The following GPT2 variants were observed in gnomAD, a reference collection of about 807,000 sequenced individuals.
GPT2 encodes the protein glutamic--pyruvic transaminase 2.
In GPT2, 30 loss-of-function variants were observed where a neutral mutation model predicts 56.9. The observed-to-expected ratio is 0.53, with a 90% CI of 0.39 to 0.72. The LOEUF (loss-of-function observed/expected upper bound fraction) is 0.72, where lower values mean the gene tolerates loss of function less well. Among genes scored for constraint, GPT2 ranks in the 30% least tolerant of loss-of-function variants. The probability of loss-of-function intolerance (pLI) is 0.00; values close to 1 mark genes in which losing one functional copy is unlikely to be tolerated. For synonymous variants in GPT2, 271 were observed against 283.1 expected, an observed-to-expected ratio of 0.96 and a Z score of 0.43; for missense variants, 542 against 703.4, an observed-to-expected ratio of 0.77 and a Z score of 2.60.
intron 2 of GPT2, among the ~76,000 whole-genome samples, chr16:46,892,871 C>G (rs145771262): frequency 1.3e-3 from 203 of 152,250 alleles, no homozygotes; most frequent in African/African-American, 4.6e-3. Context: ...ACAGTTGTCT[C>G]TCAGTATCCA....
chr16:46,913,375 G>A (rs1019554577), intron 6 of GPT2, among the ~76,000 whole-genome samples: 1 of 152,234 alleles, frequency 6.6e-6, no homozygotes, highest in African/African-American at 2.4e-5. Flanking sequence ...AAGCATGGAA[G>A]GGCAAGACCA....
At chr16:46,905,240 G>T (rs1397850713) in intron 4 of GPT2, among the ~76,000 whole-genome samples, 1 of 151,960 alleles carries the variant, frequency 6.6e-6, no homozygotes, top group East Asian at 1.9e-4. Context: ...TTAGAGATGG[G>T]GTTTCACCAT....
At chr16:46,914,147 C>T (rs1035753351) in intron 6 of GPT2, among the ~76,000 whole-genome samples, 4 of 152,158 alleles carry the variant, frequency 2.6e-5, no homozygotes, top group African/African-American at 9.7e-5. Context: ...AGGGAAGGTC[C>T]CATTTCTACC....
At chr16:46,926,794 T>A in intron 10 of GPT2, 131 bp from the exon 11 acceptor site, 1 of 529,452 alleles carries the variant, frequency 1.9e-6, no homozygotes, top group Non-Finnish European at 3.2e-6. Context: ...GCCCTGGTCC[T>A]CTAGGAGCGG....
chr16:46,916,692 T>C lies in GPT2; in HGVS notation c.885T>C (p.Phe295=). Residue 295 remains phenylalanine, a synonymous_variant, in exon 7 of 12, where the codon TTT becomes TTC. Transcript: ENST00000340124. ...ACTTTGCCTGGGAAGAGAAGCTCTT[T>C]CTCCTGGCTGATGAGGTAAGAATGT... The part of the protein sequence containing the change: ...VIHFAWEEKL[F]LLADEVYQDN... 1.3e-5 allele frequency: 21 copies of C among 1,612,466 alleles called. No individual in the cohort carries two copies. Among genetic ancestry groups the C allele is most frequent in the Non-Finnish European group, 1.8e-5 (21 of 1,178,482 alleles).
chr16:46,898,164 G>A (rs2143395988), intron 3 of GPT2, among the ~76,000 whole-genome samples: 1 of 152,324 alleles, frequency 6.6e-6, no homozygotes, highest in Non-Finnish European at 1.5e-5. Flanking sequence ...CGTACCAGTT[G>A]GGTGGCTTTG....
At chr16:46,888,946 A>G (rs1960533859) in intron 2 of GPT2, among the ~76,000 whole-genome samples, 1 of 152,098 alleles carries the variant, frequency 6.6e-6, no homozygotes, top group Non-Finnish European at 1.5e-5. Context: ...CACCACACCC[A>G]GCTACTTTTT....
intron 3 of GPT2, among the ~76,000 whole-genome samples, chr16:46,898,921 T>C (rs1462085324): frequency 2.1e-5 from 3 of 141,696 alleles, no homozygotes; most frequent in Non-Finnish European, 3.0e-5. Context: ...TACACACACA[T>C]ATATATGTGT....
chr16:46,886,718 T>C (rs1383294897), intron 2 of GPT2, among the ~76,000 whole-genome samples: 1 of 151,988 alleles, frequency 6.6e-6, no homozygotes, highest in Non-Finnish European at 1.5e-5. Flanking sequence ...GGGATTAGGA[T>C]GTCATGGTGC....
At position 46,884,762 on chromosome 16, in the gene GPT2, C is replaced by T. The variant is rs1324638573; in HGVS notation, c.47C>T (p.Thr16Ile). 19 of 1,467,770 alleles carry T rather than the reference C, an allele frequency of 1.3e-5. No homozygotes were observed. Among genetic ancestry groups the T allele is most frequent in the Non-Finnish European group, 1.6e-5 (18 of 1,108,502 alleles). The allele number at this position is 1,467,770 out of a possible 1,614,324, so 90.9% of individuals were successfully genotyped here. ...GTCCGGCGGGGCTGTGGTCCCCGGA[C>T]CCCCAGCTCCTGGGGCCGCAGCCAG... Reference protein sequence around the residue: ...ALVRRGCGPRTPSSWGRSQSS... With the variant: ...ALVRRGCGPRIPSSWGRSQSS... Residue 16 changes from threonine to isoleucine, a missense_variant, in exon 2 of 12, where the codon ACC becomes ATC. By Grantham distance (89) the Thr-to-Ile change is moderately conservative. Coordinates refer to ENST00000340124, the MANE Select transcript of GPT2 (RefSeq NM_133443.4).
intron 2 of GPT2, chr16:46,885,210 T>G: frequency 3.2e-6 from 4 of 1,245,218 alleles, no homozygotes; most frequent in Non-Finnish European, 4.0e-6. Context: ...CGGGCCGTGC[T>G]GCCAGGCACC....
intron 4 of GPT2, among the ~76,000 whole-genome samples, chr16:46,903,910 C>T (rs1360248418): frequency 1.3e-5 from 2 of 152,094 alleles, no homozygotes; most frequent in African/African-American, 2.4e-5. Flanking sequence ...AGGATTATAA[C>T]GAGGGGCTCT....
At chr16:46,894,008 T>G (rs1158185519) in intron 2 of GPT2, among the ~76,000 whole-genome samples, 1 of 152,176 alleles carries the variant, frequency 6.6e-6, no homozygotes, top group Non-Finnish European at 1.5e-5. Context: ...TGCAGGAGTG[T>G]GCTCAGAACA....
At chr16:46,895,040 C>T (rs970876680) in intron 2 of GPT2, among the ~76,000 whole-genome samples, 2 of 152,094 alleles carry the variant, frequency 1.3e-5, no homozygotes, top group African/African-American at 4.8e-5. Flanking sequence ...CTTAGAGGAC[C>T]CCCTTCCCCG....
chr16:46,930,406 A>G lies in GPT2; in HGVS notation c.*1409A>G, dbSNP rs1320992902. ...ATGGGATTGGAGAAGCTGGAGAGAAAGCAGAAGAGGCCGAGGAGTGAGGCA... is the reference window on the plus strand; with the variant it reads ...ATGGGATTGGAGAAGCTGGAGAGAAGGCAGAAGAGGCCGAGGAGTGAGGCA... On this transcript the variant is annotated 3_prime_UTR_variant, in exon 12 of 12. Coordinates refer to ENST00000340124, the MANE Select transcript of GPT2 (RefSeq NM_133443.4). The G allele has an allele frequency of 4.6e-5, 7 of 152,250 alleles. No individual in the cohort carries two copies. In the East Asian group the frequency reaches 1.4e-3, roughly 30 times the overall value. 9.4% of individuals were successfully genotyped at this position (152,250 alleles called of 1,614,324 possible). A position where few individuals can be genotyped will look rare whatever the true frequency, so the allele number is the denominator to read the frequency against.
intron 5 of GPT2, among the ~76,000 whole-genome samples, chr16:46,909,102 G>C (rs1375209603): frequency 6.6e-6 from 1 of 152,026 alleles, no homozygotes; most frequent in Non-Finnish European, 1.5e-5. Context: ...GTCCCCTGTT[G>C]GGGTGGGTGT....
chr16:46,908,328 G>A (rs896833494), intron 5 of GPT2, among the ~76,000 whole-genome samples: 1 of 151,162 alleles, frequency 6.6e-6, no homozygotes, highest in African/African-American at 2.4e-5. Context: ...CTGAGCTTGG[G>A]AGACTGATGG....
In GPT2 at chr16:46,897,736, AG is replaced by A; in HGVS notation, c.333+1del. 1 of 1,613,956 alleles carries A rather than the reference AG, an allele frequency of 6.2e-7. No homozygotes were observed. Among genetic ancestry groups the A allele is most frequent in the Non-Finnish European group, 8.5e-7 (1 of 1,179,868 alleles). ...MGQQPITFLR[Q>X]VMALCTYPNL... ...CAGCAGCCAATCACCTTCCTCCGGC[AG>A]GTGAGCCGCCCCCAGGAGCAGAGGC... is the stretch of plus-strand genomic sequence containing the variant. On this transcript the variant is annotated frameshift_variant and splice_region_variant, in exon 3 of 12. Coordinates refer to ENST00000340124, the MANE Select transcript of GPT2 (RefSeq NM_133443.4). LOFTEE classifies it high-confidence loss of function.
intron 11 of GPT2, among the ~76,000 whole-genome samples, chr16:46,928,300 C>T (rs1164040776): frequency 6.6e-6 from 1 of 151,164 alleles, no homozygotes; most frequent in Non-Finnish European, 1.5e-5. Flanking sequence ...TGCATTCAAG[C>T]TGGGGCAGCA....
Sources: allele counts gnomAD v4.1 joint callset (sites outside exome capture counted in the v4.1 genomes callset), GRCh38; gene constraint gnomAD v4.1.1; transcripts MANE v1.5; gene names NCBI Gene and HGNC (gene_info 2026-07-23, HGNC 2026-07-21).